DISC1: variants seen among roughly 807,000 people sequenced by gnomAD.
DISC1 encodes disrupted in schizophrenia 1 protein.
DISC1 carries 57 observed loss-of-function variants against 84.5 expected under a neutral mutation model. The observed-to-expected ratio is 0.67, with a 90% CI of 0.55 to 0.84. The LOEUF (loss-of-function observed/expected upper bound fraction) is 0.84. Ranked by LOEUF, DISC1 falls within the 40% of genes least tolerant of loss-of-function variation. The probability of loss-of-function intolerance (pLI) is 0.00; values close to 1 mark genes in which losing one functional copy is unlikely to be tolerated. For missense variants in DISC1, 1,000 were observed against 1,057.8 expected (o/e 0.95, Z 0.76); for synonymous variants, 411 against 415.2 (o/e 0.99, Z 0.12).
intron 10 of DISC1, among the ~76,000 whole-genome samples, chr1:232,006,722 A>T (rs1667494051): frequency 6.6e-6 from 1 of 152,202 alleles, no homozygotes; most frequent in African/African-American, 2.4e-5. Context: ...TCTGAGGAGA[A>T]ATTCAAGCTG....
rs11485251 is a variant in DISC1, at chr1:231,658,859, G to A, written c.67+31925G>A. On this transcript the variant is annotated intron_variant, in intron 1 of 12. Transcript: ENST00000439617. ...GATTCTAGTGGATAAGCTTTTTGAT[G>A]TGCTGCTGCATTCAGTTTGTCAGTA... 4.2e-3 allele frequency among the ~76,000 whole-genome samples: 647 copies of A among 152,250 alleles called. 2 individuals carry two copies. The highest frequency in any genetic ancestry group is 0.015 in the African/African-American group (615 of 41,544).
At chr1:231,773,832 A>G (rs111368895) in intron 6 of DISC1, among the ~76,000 whole-genome samples, 1,833 of 152,258 alleles carry the variant, frequency 0.012, 37 homozygotes, top group African/African-American at 0.042. Flanking sequence ...CCCAATCCGA[A>G]CATTCCCACT....
chr1:232,024,082 T>A (rs1430188031), intron 11 of DISC1, among the ~76,000 whole-genome samples: 1 of 151,648 alleles, frequency 6.6e-6, no homozygotes, highest in Non-Finnish European at 1.5e-5. Context: ...TATATATTTA[T>A]CTGTGATTTT....
At chr1:231,972,889 G>A (rs1266274589) in intron 10 of DISC1, among the ~76,000 whole-genome samples, 1 of 152,146 alleles carries the variant, frequency 6.6e-6, no homozygotes, top group East Asian at 1.9e-4. Flanking sequence ...TGACCATATG[G>A]TACCTATAGG....
intron 4 of DISC1, among the ~76,000 whole-genome samples, chr1:231,758,170 T>C (rs1464731115): frequency 1.3e-5 from 2 of 152,148 alleles, no homozygotes; most frequent in Non-Finnish European, 2.9e-5. Context: ...GAACCTTTTA[T>C]TGAATTTTCC....
intron 9 of DISC1, among the ~76,000 whole-genome samples, chr1:231,848,257 G>A (rs1018816788): frequency 3.9e-5 from 6 of 152,108 alleles, no homozygotes; most frequent in Admixed American, 2.0e-4. Flanking sequence ...ATCAAACTGC[G>A]CCACTAGACT....
intron 3 of DISC1, among the ~76,000 whole-genome samples, chr1:231,716,774 T>G (rs1393224284): frequency 6.6e-6 from 1 of 152,224 alleles, no homozygotes; most frequent in Non-Finnish European, 1.5e-5. Context: ...CCATTTAATC[T>G]TTCCATTTAA....
intron 4 of DISC1, among the ~76,000 whole-genome samples, chr1:231,759,897 G>A (rs1305641259): frequency 6.6e-6 from 1 of 152,160 alleles, no homozygotes; most frequent in Non-Finnish European, 1.5e-5. Flanking sequence ...TAAGTTGTGA[G>A]CCACAGAGGA....
At chr1:231,841,782 G>A (rs1363859939) in intron 9 of DISC1, among the ~76,000 whole-genome samples, 1 of 150,362 alleles carries the variant, frequency 6.7e-6, no homozygotes. Context: ...CTATGGCTGA[G>A]TAGAATTGTT....
rs201744432 is a variant in DISC1, at chr1:231,703,420, G to A, written c.1117+1396G>A. Among the ~76,000 whole-genome samples, 93 of 152,330 alleles carry A rather than the reference G, an allele frequency of 6.1e-4. 1 individual carries two copies. The highest frequency in any genetic ancestry group is 3.4e-3 in the Middle Eastern group (1 of 294). On this transcript the variant is annotated intron_variant, in intron 3 of 12. Transcript: ENST00000439617. ...GCTATTCCTGGGCCAGGGCTCACCT[G>A]CTGGATTTCATCTATGAGAGATAAT...
intron 9 of DISC1, chr1:231,855,066 T>G: frequency 1.0e-6 from 1 of 994,004 alleles, no homozygotes; most frequent in African/African-American, 1.7e-5. Flanking sequence ...AATAAGAAAT[T>G]CTAGGTAAGG....
chr1:231,734,355 G>A (rs1304275351), intron 3 of DISC1, among the ~76,000 whole-genome samples: 4 of 152,218 alleles, frequency 2.6e-5, no homozygotes, highest in African/African-American at 9.6e-5. Flanking sequence ...GGGGCAATGA[G>A]TATTTTGGAG....
chr1:231,857,952 T>C (rs1413501552), intron 9 of DISC1, among the ~76,000 whole-genome samples: 3 of 152,166 alleles, frequency 2.0e-5, no homozygotes, highest in East Asian at 1.9e-4. Context: ...CACTGGAGCA[T>C]AGGGAGAAAA....
At chr1:231,634,822 G>T (rs1445151571) in intron 1 of DISC1, among the ~76,000 whole-genome samples, 1 of 151,962 alleles carries the variant, frequency 6.6e-6, no homozygotes, top group Admixed American at 6.6e-5. Flanking sequence ...GGGGCGGGAG[G>T]ATTGCTTGAG....
intron 3 of DISC1, among the ~76,000 whole-genome samples, chr1:231,712,656 G>T (rs1407959831): frequency 6.6e-6 from 1 of 152,220 alleles, no homozygotes; most frequent in African/African-American, 2.4e-5. Context: ...ATTACAGAGG[G>T]ACTAGAGAAG....
At chr1:231,804,164 G>T (rs1461063504) in intron 8 of DISC1, among the ~76,000 whole-genome samples, 2 of 152,112 alleles carry the variant, frequency 1.3e-5, no homozygotes, top group Non-Finnish European at 2.9e-5. Flanking sequence ...TACTTCCATT[G>T]TGTTTTATTG....
rs553341552 is a variant in DISC1, at chr1:232,036,957, G to C, written c.*126G>C. On this transcript the variant is annotated 3_prime_UTR_variant, in exon 13 of 13. Transcript: ENST00000439617. ...AGATACAGAGCCTTGAGGTCTTTCA[G>C]TGGAAAGGTGGTTCATGTTCATTCT... The C allele has an allele frequency of 1.9e-6, 2 of 1,065,228 alleles. No homozygotes were observed. Among genetic ancestry groups the C allele is most frequent in the African/African-American group, 3.2e-5 (2 of 62,316 alleles). 66.0% of individuals were successfully genotyped at this position (1,065,228 alleles called of 1,614,324 possible).
At chr1:231,695,650 CTG>C (rs1481875541) in intron 2 of DISC1, among the ~76,000 whole-genome samples, 1 of 151,262 alleles carries the variant, frequency 6.6e-6, no homozygotes, top group South Asian at 2.1e-4. Flanking sequence ...CATGTTTGTG[CTG>C]TGTGTTCATG....
At chr1:231,916,613 C>T (rs1004674607) in intron 9 of DISC1, among the ~76,000 whole-genome samples, 1 of 148,498 alleles carries the variant, frequency 6.7e-6, no homozygotes, top group Non-Finnish European at 1.5e-5. Flanking sequence ...CGAGATCCCG[C>T]CACTGCACTC....
Sources: allele counts gnomAD v4.1 joint callset (sites outside exome capture counted in the v4.1 genomes callset), GRCh38; gene constraint gnomAD v4.1.1; transcripts MANE v1.5; gene names NCBI Gene and HGNC (gene_info 2026-07-23, HGNC 2026-07-21).